Variants in NUP214 observed in about 807,000 individuals in gnomAD.
NUP214 encodes nucleoporin 214.
NUP214 carries 79 observed loss-of-function variants against 196.2 expected under a neutral mutation model. That is an observed-to-expected ratio of 0.40 (90% CI 0.34 to 0.49). The LOEUF (loss-of-function observed/expected upper bound fraction) is 0.49. Ranked by LOEUF, NUP214 falls within the 20% of genes least tolerant of loss-of-function variation. The pLI is 0.58. For missense variants in NUP214, 2,468 were observed against 2,539.0 expected, an observed-to-expected ratio of 0.97 and a Z score of 0.60; for synonymous variants, 1,020 against 990.5, an observed-to-expected ratio of 1.03 and a Z score of -0.56.
intron 8 of NUP214, chr9:131,135,257 T>C (rs1014939308): frequency 2.5e-6 from 1 of 405,792 alleles, no homozygotes; most frequent in African/African-American, 2.1e-5. Context: ...GGCTTATTTT[T>C]AAATAAGTTT....
rs184082557 is a variant in NUP214, at chr9:131,218,560, C to T, written c.5749+3192C>T. Among the ~76,000 whole-genome samples the T allele has an allele frequency of 5.4e-3, 824 of 152,178 alleles. 5 individuals are homozygous for T. The highest frequency in any genetic ancestry group is 9.3e-3 in the Non-Finnish European group (633 of 67,992). On this transcript the variant is annotated intron_variant, in intron 31 of 35. Transcript: ENST00000359428. ...TTCTCTTCTTATCTCTACCTTCTCTCCCTCCCCTCACCAACCCCCGCACTC... is the reference window on the plus strand; with the variant it reads ...TTCTCTTCTTATCTCTACCTTCTCTTCCTCCCCTCACCAACCCCCGCACTC...
At chr9:131,223,727 ATT>A (rs529624907) in intron 32 of NUP214, among the ~76,000 whole-genome samples, 60 of 15,658 alleles carry the variant, frequency 3.8e-3, no homozygotes, top group African/African-American at 8.0e-3. Flanking sequence ...TTATTTATTT[ATT>A]TTTTTTTTTT....
chr9:131,190,692 T>C (rs1436118888), intron 26 of NUP214: 2 of 439,726 alleles, frequency 4.5e-6, no homozygotes, highest in Non-Finnish European at 4.0e-6. Context: ...TGTAGAGATA[T>C]ATAATGTAGA....
Position 131,197,263 on chromosome 9 carries a change from T to A in NUP214, c.3769T>A (p.Ser1257Thr). The A allele has an allele frequency of 1.2e-6, 2 of 1,614,164 alleles. No individual in the cohort carries two copies. Among genetic ancestry groups the A allele is most frequent in the South Asian group, 2.2e-5 (2 of 91,086 alleles). Reference protein sequence around the residue: ...KESSQPDAFSSGGGSKPSYEA... With the variant: ...KESSQPDAFSTGGGSKPSYEA... ...GTCAAGCCAGCCGGACGCATTCTCATCTGGTGGGGGAAGCAAACCTTCTTA... is the reference window on the plus strand; with the variant it reads ...GTCAAGCCAGCCGGACGCATTCTCAACTGGTGGGGGAAGCAAACCTTCTTA... Residue 1257 changes from serine to threonine, a missense_variant, in exon 29 of 36, where the codon TCT becomes ACT. Physicochemically the swap from Ser to Thr is moderately conservative, Grantham distance 58 (BLOSUM62 1). This residue lies in a region of NUP214 where 1,801 missense variants were observed against 1,779.4 expected (regional missense o/e 1.01). Transcript: ENST00000359428.
chr9:131,134,782 ACTT>A, intron 7 of NUP214, 113 bp from the exon 8 acceptor site: 2 of 686,298 alleles, frequency 2.9e-6, no homozygotes, highest in Non-Finnish European at 2.5e-6. Context: ...GTATATCTGG[ACTT>A]TGAGTAAATA....
At chr9:131,230,867 T>G (rs1023408812) in intron 34 of NUP214, 98 bp downstream of exon 34, 1 of 1,402,090 alleles carries the variant, frequency 7.1e-7, no homozygotes. Context: ...GTCTGTTTAG[T>G]ATTTTAAAAG....
intron 17 of NUP214, among the ~76,000 whole-genome samples, chr9:131,153,839 A>G (rs761022012): frequency 9.9e-5 from 15 of 152,238 alleles, no homozygotes; most frequent in Admixed American, 2.6e-4. Flanking sequence ...CAGGTTTACA[A>G]TTCACTCGGG....
intron 29 of NUP214, among the ~76,000 whole-genome samples, chr9:131,200,694 G>A (rs527871493): frequency 4.6e-5 from 7 of 152,216 alleles, no homozygotes; most frequent in African/African-American, 1.7e-4. Flanking sequence ...GGGCAATAGA[G>A]CGAGACTCCA....
intron 4 of NUP214, among the ~76,000 whole-genome samples, chr9:131,129,853 C>T (rs1399952609): frequency 1.3e-5 from 2 of 152,158 alleles, no homozygotes; most frequent in East Asian, 3.9e-4. Context: ...ATCTGCCCTC[C>T]TCCACCCCGC....
intron 4 of NUP214, among the ~76,000 whole-genome samples, chr9:131,130,043 A>C (rs1185411441): frequency 2.6e-5 from 4 of 150,980 alleles, no homozygotes; most frequent in Admixed American, 2.6e-4. Context: ...TTGTTTCTGG[A>C]TCTGTAACGG....
intron 30 of NUP214, among the ~76,000 whole-genome samples, chr9:131,213,788 TAA>T (rs879362192): frequency 0.025 from 1,107 of 45,092 alleles, 2 homozygotes; most frequent in Middle Eastern, 0.065. Flanking sequence ...TTGTTGTTGT[TAA>T]GAAATTTAAA....
intron 21 of NUP214, among the ~76,000 whole-genome samples, chr9:131,171,344 A>G (rs992621715): frequency 2.0e-5 from 3 of 152,168 alleles, no homozygotes; most frequent in East Asian, 1.9e-4. Context: ...CTTTCTGTCT[A>G]GTTCTTGAAG....
At chr9:131,213,751 C>CTGTTGT (rs55661030) in intron 30 of NUP214, among the ~76,000 whole-genome samples, 44,513 of 147,368 alleles carry the variant, frequency 0.3, 6,816 homozygotes, top group African/African-American at 0.31. Flanking sequence ...TGAATTGGTA[C>CTGTTGT]TGTTGTTGTT....
chr9:131,192,127 G>A, intron 26 of NUP214, 81 bp from the exon 27 acceptor site: 1 of 941,558 alleles, frequency 1.1e-6, no homozygotes, highest in Non-Finnish European at 1.5e-6. Flanking sequence ...GAGCTACAGG[G>A]AATTATACAC....
intron 21 of NUP214, among the ~76,000 whole-genome samples, chr9:131,169,040 T>TG (rs1304361078): frequency 8.1e-5 from 12 of 147,462 alleles, no homozygotes; most frequent in East Asian, 3.9e-4. Context: ...TTTTGTTTTT[T>TG]TTTTTTTTTT....
rs773998930 is a variant in NUP214, at chr9:131,198,351, C to CGTG, written c.4857_4858insGTG (p.Ser1619_Thr1620insVal). 1.2e-6 allele frequency: 2 copies of CGTG among 1,614,146 alleles called. No individual in the cohort carries two copies. Among genetic ancestry groups the CGTG allele is most frequent in the African/African-American group, 2.7e-5 (2 of 74,954 alleles). ...CATCAAGTACCCCCATAGCCTCCAG[C>CGTG]ACCACGTCCATTGTTGCTCCCGGCC... On this transcript the variant is annotated inframe_insertion, in exon 29 of 36. Transcript: ENST00000359428.
intron 24 of NUP214, among the ~76,000 whole-genome samples, chr9:131,183,580 A>G (rs1833353202): frequency 6.6e-6 from 1 of 152,190 alleles, no homozygotes; most frequent in African/African-American, 2.4e-5. Context: ...GTATGTCTGC[A>G]GAAGTCTTTA....
At chr9:131,217,177 A>C (rs1834425728) in intron 31 of NUP214, among the ~76,000 whole-genome samples, 1 of 152,192 alleles carries the variant, frequency 6.6e-6, no homozygotes, top group Non-Finnish European at 1.5e-5. Flanking sequence ...GCAAGTCCCC[A>C]TCTCAAAAAC....
At position 131,184,251 on chromosome 9, in the gene NUP214, A is replaced by G. The variant is rs186554790; in HGVS notation, c.3420-3038A>G. Among the ~76,000 whole-genome samples, 350 of 150,670 alleles carry G rather than the reference A, an allele frequency of 2.3e-3. 3 individuals carry two copies. Among genetic ancestry groups the G allele is most frequent in the African/African-American group, 8.2e-3 (337 of 41,044 alleles). ...TAACCATGTTGGCCCGGCTGATTTCAAATTCCTGACCTCAGATGATCCACC... is the reference window on the plus strand; with the variant it reads ...TAACCATGTTGGCCCGGCTGATTTCGAATTCCTGACCTCAGATGATCCACC... On this transcript the variant is annotated intron_variant, in intron 24 of 35. Coordinates refer to ENST00000359428, the MANE Select transcript of NUP214 (RefSeq NM_005085.4).
Sources: gnomAD v4.1 joint callset for allele counts (sites outside exome capture counted in the v4.1 genomes callset) on GRCh38, gnomAD v4.1.1 for gene constraint, gnomAD v4.1.1 regional missense constraint, MANE v1.5 for transcripts, NCBI Gene and HGNC (gene_info 2026-07-23, HGNC 2026-07-21) for gene names.